The following CERK variants were observed in gnomAD, a reference collection of about 807,000 sequenced individuals.
CERK encodes ceramide kinase.
A neutral mutation model predicts 63.4 loss-of-function variants in CERK; 39 were observed. The ratio of observed to expected loss-of-function variants is 0.61; its 90% CI spans 0.48 to 0.80. The LOEUF is 0.80. Ranked by LOEUF, CERK falls within the 30% of genes least tolerant of loss-of-function variation. The pLI is 0.00. For missense variants in CERK, 670 were observed against 714.1 expected (o/e 0.94, Z 0.70); for synonymous variants, 302 against 280.0 (o/e 1.08, Z -0.78).
intron 1 of CERK, among the ~76,000 whole-genome samples, chr22:46,731,027 C>T (rs1296594784): frequency 1.3e-5 from 2 of 152,272 alleles, no homozygotes; most frequent in Admixed American, 6.5e-5. Flanking sequence ...CTTAGACTTC[C>T]ACCCTTGAGA....
chr22:46,690,943 GTATA>G (rs947310506), intron 11 of CERK, among the ~76,000 whole-genome samples: 1 of 152,074 alleles, frequency 6.6e-6, no homozygotes, highest in African/African-American at 2.4e-5. Context: ...ACATGTGTGT[GTATA>G]TGTATGTATG....
chr22:46,720,376 C>T (rs1053704593), intron 2 of CERK, among the ~76,000 whole-genome samples, 168 bp from the exon 3 acceptor site: 1 of 152,160 alleles, frequency 6.6e-6, no homozygotes, highest in Non-Finnish European at 1.5e-5. Flanking sequence ...AAAAAAACAT[C>T]CGATCTTTCA....
At chr22:46,716,936 C>T (rs1401705966) in intron 3 of CERK, among the ~76,000 whole-genome samples, 1 of 143,054 alleles carries the variant, frequency 7.0e-6, no homozygotes, top group Admixed American at 6.7e-5. Context: ...CTCTGTCCCC[C>T]CACCAAAAAA....
intron 1 of CERK, among the ~76,000 whole-genome samples, chr22:46,723,394 A>T (rs1334302325): frequency 6.6e-6 from 1 of 152,134 alleles, no homozygotes; most frequent in African/African-American, 2.4e-5. Context: ...CGAGGCAGGC[A>T]GAGCACTTCG....
At chr22:46,689,304 G>A (rs908721169) in intron 12 of CERK, among the ~76,000 whole-genome samples, 2 of 152,268 alleles carry the variant, frequency 1.3e-5, no homozygotes, top group Admixed American at 1.3e-4. Context: ...TGTGGCCCTT[G>A]AGGCCAGCGG....
chr22:46,719,318 G>A (rs966766710), intron 3 of CERK, among the ~76,000 whole-genome samples: 3 of 152,032 alleles, frequency 2.0e-5, no homozygotes, highest in Non-Finnish European at 4.4e-5. Flanking sequence ...ACAAAGTCTT[G>A]TTACTCAGCA....
chr22:46,733,147 G>C (rs1251769742), intron 1 of CERK, among the ~76,000 whole-genome samples: 1 of 141,230 alleles, frequency 7.1e-6, no homozygotes, highest in Non-Finnish European at 1.5e-5. Context: ...GGCGGAGCTT[G>C]CAGTGAGCTG....
At chr22:46,697,128 C>A (rs1032689891) in intron 8 of CERK, among the ~76,000 whole-genome samples, 1 of 152,152 alleles carries the variant, frequency 6.6e-6, no homozygotes, top group African/African-American at 2.4e-5. Flanking sequence ...TTTCAAGCTT[C>A]GTAAAGTTTG....
At chr22:46,705,559 T>G (rs1007457643) in intron 6 of CERK, among the ~76,000 whole-genome samples, 13 of 152,026 alleles carry the variant, frequency 8.6e-5, no homozygotes, top group African/African-American at 3.1e-4. Flanking sequence ...TAGTCTCAGC[T>G]GCTCAGGAGG....
chr22:46,694,948 A>G (rs112743064), intron 9 of CERK, among the ~76,000 whole-genome samples: 7 of 152,290 alleles, frequency 4.6e-5, no homozygotes, highest in African/African-American at 1.7e-4. Flanking sequence ...CCCCCACTCC[A>G]ACAGTGGGTG....
At position 46,693,408 on chromosome 22, in the gene CERK, C is replaced by A. The variant is rs558294202; in HGVS notation, c.1126+19G>T. On this transcript the variant is annotated intron_variant, in intron 10 of 12. Coordinates refer to ENST00000216264, the MANE Select transcript of CERK (RefSeq NM_022766.6). ...CAGCACACACAGTGACAACACTGAG[C>A]CTGTGTTTTAGGAATTACCCGCAGC... The A allele has an allele frequency of 6.2e-7, 1 of 1,603,614 alleles. No homozygotes were observed. Among genetic ancestry groups the A allele is most frequent in the Admixed American group, 1.7e-5 (1 of 60,016 alleles).
intron 1 of CERK, chr22:46,735,219 A>G (rs1437794877): frequency 1.3e-5 from 2 of 152,212 alleles, no homozygotes; most frequent in Admixed American, 6.5e-5. Flanking sequence ...AGCATGACCC[A>G]CTTCAAGTTC....
intron 1 of CERK, among the ~76,000 whole-genome samples, chr22:46,734,582 C>A (rs576842299): frequency 1.3e-5 from 2 of 152,312 alleles, no homozygotes; most frequent in Admixed American, 1.3e-4. Context: ...TACACAGGTG[C>A]ACACAATTAT....
chr22:46,723,128 C>T (rs1569328710), intron 1 of CERK, among the ~76,000 whole-genome samples: 1 of 152,210 alleles, frequency 6.6e-6, no homozygotes, highest in Non-Finnish European at 1.5e-5. Context: ...CCTTCTGCCA[C>T]ACTGGACCTG....
intron 6 of CERK, among the ~76,000 whole-genome samples, chr22:46,703,227 G>A (rs2082796268): frequency 6.6e-6 from 1 of 152,164 alleles, no homozygotes; most frequent in Non-Finnish European, 1.5e-5. Context: ...GCTACATCAG[G>A]TCTCAAAGCA....
At chr22:46,726,111 A>G (rs965793404) in intron 1 of CERK, among the ~76,000 whole-genome samples, 3 of 152,248 alleles carry the variant, frequency 2.0e-5, no homozygotes, top group African/African-American at 4.8e-5. Context: ...TGCCAGTGAC[A>G]TGGGTGCACG....
rs895477860 is a variant in CERK at position 46,684,531 on chromosome 22, C to T, written c.*2603G>A. 2.6e-5 allele frequency: 4 copies of T among 152,248 alleles called. No individual in the cohort carries two copies. The highest frequency in any genetic ancestry group is 9.6e-5 in the African/African-American group (4 of 41,528). The allele number at this position is 152,248 out of a possible 1,614,324, so 9.4% of individuals were successfully genotyped here. A position where few individuals can be genotyped will look rare whatever the true frequency, so the allele number is the denominator to read the frequency against. ...GGCCATCCTTTCACTCAGACTTTCCCAGTTACTCAAGATTGTATTCAGGAA... is the reference window on the plus strand; with the variant it reads ...GGCCATCCTTTCACTCAGACTTTCCTAGTTACTCAAGATTGTATTCAGGAA... On this transcript the variant is annotated 3_prime_UTR_variant, in exon 13 of 13. Transcript: ENST00000216264.
chr22:46,701,909 G>A (rs776617424), intron 6 of CERK, among the ~76,000 whole-genome samples, 199 bp from the exon 7 acceptor site: 12 of 152,152 alleles, frequency 7.9e-5, no homozygotes, highest in African/African-American at 2.2e-4. Context: ...TGGGCCGGGC[G>A]GTGGCTCACG....
chr22:46,700,915 G>A (rs1869736398), intron 7 of CERK, among the ~76,000 whole-genome samples: 2 of 151,782 alleles, frequency 1.3e-5, no homozygotes, highest in Admixed American at 6.6e-5. Context: ...AGAGGCTGAC[G>A]CAGGAGAATC....
Sources: gnomAD v4.1 joint callset for allele counts (sites outside exome capture counted in the v4.1 genomes callset) on GRCh38, gnomAD v4.1.1 for gene constraint, MANE v1.5 for transcripts, NCBI Gene and HGNC (gene_info 2026-07-23, HGNC 2026-07-21) for gene names.